The following KIFAP3 variants were observed in gnomAD, a reference collection of about 807,000 sequenced individuals.
KIFAP3 encodes the protein kinesin-associated protein 3.
Under a neutral mutation model 106.5 loss-of-function variants are expected in KIFAP3, and 68 were observed. The observed-to-expected ratio is 0.64, with a 90% CI of 0.53 to 0.78. The LOEUF (loss-of-function observed/expected upper bound fraction) is 0.78, where lower values mean the gene tolerates loss of function less well. Among genes scored for constraint, KIFAP3 ranks in the 30% least tolerant of loss-of-function variants. The pLI, the probability that KIFAP3 is intolerant of heterozygous loss-of-function variation, is 0.00. For synonymous variants in KIFAP3, 320 were observed against 311.5 expected (o/e 1.03, Z -0.29); for missense variants, 780 against 941.8 (o/e 0.83, Z 2.25).
At position 170,055,300 on chromosome 1, in the gene KIFAP3, C is replaced by G; in HGVS notation, c.164+5G>C. On this transcript the variant is annotated splice_donor_5th_base_variant and intron_variant, in intron 2 of 19. Transcript: ENST00000361580. Reference sequence around the variant, plus strand: ...TTTCAAAATGTGCACAAATAAAGAACTTACATTTTTTGACATTCTTTTCGT... The same window carrying G: ...TTTCAAAATGTGCACAAATAAAGAAGTTACATTTTTTGACATTCTTTTCGT... The G allele has an allele frequency of 6.3e-7, 1 of 1,592,604 alleles. No homozygotes were observed. The highest frequency in any genetic ancestry group is 8.5e-7 in the Non-Finnish European group (1 of 1,173,820).
chr1:170,022,290 T>C (rs545815199), intron 9 of KIFAP3, among the ~76,000 whole-genome samples: 1 of 152,258 alleles, frequency 6.6e-6, no homozygotes, highest in African/African-American at 2.4e-5. Context: ...TATTAGTATT[T>C]TTATTAAACA....
chr1:169,928,731 T>C (rs942471814), intron 19 of KIFAP3, among the ~76,000 whole-genome samples: 5 of 107,582 alleles, frequency 4.6e-5, no homozygotes, highest in Admixed American at 3.0e-4. Flanking sequence ...ATTAAAGTTA[T>C]ACCTTTACGA....
intron 19 of KIFAP3, among the ~76,000 whole-genome samples, chr1:169,949,266 C>T (rs1241146813): frequency 6.6e-6 from 1 of 151,890 alleles, no homozygotes; most frequent in African/African-American, 2.4e-5. Context: ...ATAACACACA[C>T]ATAGAAAATG....
intron 2 of KIFAP3, among the ~76,000 whole-genome samples, chr1:170,051,637 A>T (rs1050609510): frequency 2.0e-5 from 3 of 152,242 alleles, no homozygotes; most frequent in South Asian, 2.1e-4. Flanking sequence ...AAATCATAAC[A>T]AACAGTCTCT....
intron 17 of KIFAP3, among the ~76,000 whole-genome samples, chr1:169,967,711 G>GAT (rs1665698398): frequency 6.6e-6 from 1 of 151,864 alleles, no homozygotes; most frequent in Admixed American, 6.6e-5. Flanking sequence ...TCATAAAGCT[G>GAT]TTGAAATAAC....
intron 5 of KIFAP3, among the ~76,000 whole-genome samples, chr1:170,036,972 C>T (rs1330441580): frequency 1.3e-5 from 2 of 152,188 alleles, no homozygotes; most frequent in Admixed American, 1.3e-4. Flanking sequence ...ATGAAGTAAT[C>T]TCAAAATATA....
intron 8 of KIFAP3, 66 bp downstream of exon 8, chr1:170,031,820 G>T: frequency 1.0e-6 from 1 of 997,202 alleles, no homozygotes; most frequent in South Asian, 1.5e-5. Context: ...ATGATAAAAA[G>T]TGAACAAAAC....
intron 5 of KIFAP3, 69 bp from the exon 6 acceptor site, chr1:170,035,622 A>C: frequency 1.1e-6 from 1 of 930,196 alleles, no homozygotes; most frequent in South Asian, 1.8e-5. Context: ...ATTGGTTTTA[A>C]ATGTCTAGTT....
chr1:170,057,015 T>C (rs1227415254), intron 1 of KIFAP3, among the ~76,000 whole-genome samples: 1 of 152,034 alleles, frequency 6.6e-6, no homozygotes, highest in African/African-American at 2.4e-5. Context: ...ACAAAAGATC[T>C]AAGGAAAGCT....
intron 9 of KIFAP3, among the ~76,000 whole-genome samples, chr1:170,017,468 G>A (rs1668580950): frequency 6.6e-6 from 1 of 152,030 alleles, no homozygotes; most frequent in Non-Finnish European, 1.5e-5. Flanking sequence ...GGCAATACAA[G>A]TTGAGGAAAA....
intron 19 of KIFAP3, among the ~76,000 whole-genome samples, chr1:169,932,948 C>G (rs1289660201): frequency 6.6e-6 from 1 of 151,800 alleles, no homozygotes; most frequent in Non-Finnish European, 1.5e-5. Flanking sequence ...AAATAATAGT[C>G]AAATTACATT....
At chr1:169,975,257 T>C (rs1378695113) in intron 16 of KIFAP3, among the ~76,000 whole-genome samples, 1 of 152,092 alleles carries the variant, frequency 6.6e-6, no homozygotes, top group African/African-American at 2.4e-5. Context: ...TGAGTCACAG[T>C]TGAGAGTCAG....
Position 170,023,511 on chromosome 1 carries a change from T to G in KIFAP3, c.1020+907A>C, listed in dbSNP as rs774966349. Among the ~76,000 whole-genome samples, 52 of 152,064 alleles carry G rather than the reference T, an allele frequency of 3.4e-4. 1 individual carries two copies. Among genetic ancestry groups the G allele is most frequent in the Admixed American group, 7.2e-4 (11 of 15,266 alleles). On this transcript the variant is annotated intron_variant, in intron 9 of 19. Coordinates refer to ENST00000361580, the MANE Select transcript of KIFAP3 (RefSeq NM_014970.4). ...GTCAATAATCCAATAACTTCATTTA[T>G]AGGAAACTGCTCCAAGAAAATAAGC...
intron 19 of KIFAP3, among the ~76,000 whole-genome samples, chr1:169,931,349 T>C (rs1384004756): frequency 6.6e-6 from 1 of 152,224 alleles, no homozygotes; most frequent in Non-Finnish European, 1.5e-5. Context: ...AAATATATTT[T>C]ATTTTTCCTT....
At chr1:169,982,415 G>C (rs772392054) in intron 14 of KIFAP3, among the ~76,000 whole-genome samples, 1 of 151,970 alleles carries the variant, frequency 6.6e-6, no homozygotes, top group Admixed American at 6.6e-5. Context: ...TATATGCAGA[G>C]GGATGGTATT....
At position 170,055,337 on chromosome 1, in the gene KIFAP3, G is replaced by A. The variant is rs1268030483; in HGVS notation, c.132C>T (p.Pro44=). Residue 44 remains proline, a synonymous_variant, in exon 2 of 20, where the codon CCC becomes CCT. Coordinates refer to ENST00000361580, the MANE Select transcript of KIFAP3 (RefSeq NM_014970.4). ...GACATTCTTTTCGTTCTCCCAACAT[G>A]GGGTCCCCCATTTCTCCAAGAATGG... ...EATILGEMGD[P]MLGERKECQK... The A allele has an allele frequency of 1.9e-6, 3 of 1,605,244 alleles. No homozygotes were observed. The highest frequency in any genetic ancestry group is 2.7e-5 in the African/African-American group (2 of 74,384).
At chr1:170,010,441 T>C (rs890055383) in intron 10 of KIFAP3, among the ~76,000 whole-genome samples, 9 of 152,000 alleles carry the variant, frequency 5.9e-5, no homozygotes, top group African/African-American at 2.2e-4. Flanking sequence ...AATATTAAAA[T>C]AATTTTTGGT....
At chr1:170,053,582 G>C (rs755711505) in intron 2 of KIFAP3, among the ~76,000 whole-genome samples, 2 of 151,892 alleles carry the variant, frequency 1.3e-5, no homozygotes, top group African/African-American at 4.8e-5. Flanking sequence ...CATGCTACCT[G>C]ACTTCAAACT....
Position 170,046,774 on chromosome 1 carries a change from A to C in KIFAP3, c.257T>G (p.Leu86Arg), listed in dbSNP as rs74122308. 1.8e-5 allele frequency: 29 copies of C among 1,610,816 alleles called. No homozygotes were observed. In the African/African-American group the frequency reaches 3.6e-4, roughly 20 times the overall value. Residue 86 changes from leucine (L) to arginine (R), a missense_variant, in exon 3 of 20, where the codon CTA becomes CGA. By Grantham distance (102) the Leu-to-Arg change is moderately radical. Transcript: ENST00000361580. Reference sequence around the variant, plus strand: ...GTACAACAGCTGTTCTACCTCATTTAGTTTTGAAGGATGAATGAGTTTACA... The same window carrying C: ...GTACAACAGCTGTTCTACCTCATTTCGTTTTGAAGGATGAATGAGTTTACA... ...EECKLIHPSK[L>R]NEVEQLLYYL...
Sources: gnomAD v4.1 joint callset for allele counts (sites outside exome capture counted in the v4.1 genomes callset) on GRCh38, gnomAD v4.1.1 for gene constraint, MANE v1.5 for transcripts, NCBI Gene and HGNC (gene_info 2026-07-23, HGNC 2026-07-21) for gene names.